Variants in IL1RAPL1 observed in about 807,000 individuals in gnomAD.
IL1RAPL1 encodes interleukin 1 receptor accessory protein like 1, also known as interleukin-1 receptor accessory protein-like 1.
IL1RAPL1 carries 3 observed loss-of-function variants against 48.4 expected under a neutral mutation model. The ratio of observed to expected loss-of-function variants is 0.06; its 90% CI spans 0.03 to 0.16. The LOEUF (loss-of-function observed/expected upper bound fraction) is 0.16. Ranked by LOEUF, IL1RAPL1 falls within the 10% of genes least tolerant of loss-of-function variation. IL1RAPL1 has a pLI of 1.00. For synonymous variants in IL1RAPL1, 185 were observed against 187.7 expected, an observed-to-expected ratio of 0.99 and a Z score of 0.12; for missense variants, 349 against 530.6, an observed-to-expected ratio of 0.66 and a Z score of 3.36.
chrX:29,399,680 G>A (rs777507944), intron 5 of IL1RAPL1, among the ~76,000 whole-genome samples: 20 of 110,639 alleles, frequency 1.8e-4, no homozygotes, highest in African/African-American at 4.6e-4. Flanking sequence ...TTAGCCAGGC[G>A]TGGTGGTGGG....
chrX:28,730,103 G>T (rs1341152646), intron 1 of IL1RAPL1, among the ~76,000 whole-genome samples: 1 of 111,821 alleles, frequency 8.9e-6, no homozygotes, highest in Non-Finnish European at 1.9e-5. Flanking sequence ...CACTTGTAAA[G>T]ATAGTAAAAC....
intron 2 of IL1RAPL1, among the ~76,000 whole-genome samples, chrX:28,838,541 A>G (rs775457448): frequency 1.7e-4 from 19 of 111,077 alleles, no homozygotes; most frequent in Non-Finnish European, 3.6e-4. Flanking sequence ...AGTACACCAT[A>G]TAGTACCAAG....
At chrX:28,761,073 C>T (rs1262619614) in intron 1 of IL1RAPL1, among the ~76,000 whole-genome samples, 1 of 90,827 alleles carries the variant, frequency 1.1e-5, no homozygotes, top group Non-Finnish European at 2.1e-5. Flanking sequence ...GGCAACAGAG[C>T]GAGACTCCTT....
At chrX:28,877,976 G>A (rs1922415218) in intron 2 of IL1RAPL1, among the ~76,000 whole-genome samples, 1 of 111,855 alleles carries the variant, frequency 8.9e-6, no homozygotes, top group Non-Finnish European at 1.9e-5. Context: ...ATGTAAATGA[G>A]CATTTAATAG....
Position 28,710,765 on chromosome X carries a change from A to T in IL1RAPL1, c.-24-78555A>T, listed in dbSNP as rs1022777959. Among the ~76,000 whole-genome samples the T allele has an allele frequency of 2.7e-5, 3 of 112,375 alleles. No individual in the cohort carries two copies. In the East Asian group the frequency reaches 8.3e-4, roughly 31 times the overall value. On this transcript the variant is annotated intron_variant, in intron 1 of 10. Coordinates refer to ENST00000378993, the MANE Select transcript of IL1RAPL1 (RefSeq NM_014271.4). ...ATCATCATTTTAACATGTAATCAAT[A>T]AAAAAGTATTAATGTGATATTTTAT...
chrX:29,835,882 T>C (rs1213045732), intron 6 of IL1RAPL1, among the ~76,000 whole-genome samples: 1 of 99,648 alleles, frequency 1.0e-5, no homozygotes, highest in East Asian at 2.9e-4. Flanking sequence ...GTCTTCTTTT[T>C]TTTTTTTTTT....
chrX:29,654,924 G>T (rs777906095), intron 5 of IL1RAPL1, among the ~76,000 whole-genome samples: 1,254 of 111,671 alleles, frequency 0.011, 9 homozygotes, highest in Middle Eastern at 0.032. Context: ...ATTAAAAATA[G>T]TTTTATATTT....
chrX:29,690,717 A>G lies in IL1RAPL1; in HGVS notation c.778+22213A>G, dbSNP rs1263160448. The stretch of plus-strand genomic sequence containing the variant: ...CTTTCAGGTTTCCAAATACTTTTAA[A>G]ATTTACTTTAATTGTTTTTAAATGT... On this transcript the variant is annotated intron_variant, in intron 6 of 10. Coordinates refer to ENST00000378993, the MANE Select transcript of IL1RAPL1 (RefSeq NM_014271.4). Among the ~76,000 whole-genome samples the G allele has an allele frequency of 6.2e-5, 7 of 112,233 alleles. No individual in the cohort carries two copies. In the East Asian group the frequency reaches 1.9e-3, roughly 31 times the overall value.
At chrX:29,334,230 G>A (rs1932939618) in intron 3 of IL1RAPL1, among the ~76,000 whole-genome samples, 1 of 70,399 alleles carries the variant, frequency 1.4e-5, no homozygotes, top group Admixed American at 1.2e-4. Context: ...CGGACGGGGC[G>A]GCTGGCCGGG....
intron 6 of IL1RAPL1, among the ~76,000 whole-genome samples, chrX:29,704,656 G>A (rs767952038): frequency 9.9e-5 from 11 of 111,048 alleles, no homozygotes; most frequent in African/African-American, 2.9e-4. Flanking sequence ...GTGACAGAGT[G>A]AGACTCCATC....
At chrX:28,800,369 C>T (rs1251510317) in intron 2 of IL1RAPL1, among the ~76,000 whole-genome samples, 2 of 111,858 alleles carry the variant, frequency 1.8e-5, no homozygotes, top group Non-Finnish European at 3.8e-5. Context: ...TTTTGGGGGA[C>T]CACTGTTCAC....
At chrX:28,714,009 A>G (rs1027269710) in intron 1 of IL1RAPL1, among the ~76,000 whole-genome samples, 5 of 112,183 alleles carry the variant, frequency 4.5e-5, no homozygotes, top group African/African-American at 1.3e-4. Context: ...GAGCTTTCTG[A>G]ACAGTATTAT....
chrX:29,202,832 G>C (rs1243027171), intron 2 of IL1RAPL1, among the ~76,000 whole-genome samples: 2 of 111,288 alleles, frequency 1.8e-5, no homozygotes, highest in East Asian at 5.6e-4. Flanking sequence ...AAGAAAGAAG[G>C]GGACAACGGA....
intron 1 of IL1RAPL1, among the ~76,000 whole-genome samples, chrX:28,767,966 T>C (rs1381725039): frequency 9.0e-6 from 1 of 111,642 alleles, no homozygotes; most frequent in African/African-American, 3.3e-5. Context: ...CATGCAAATA[T>C]GTACACATAG....
intron 6 of IL1RAPL1, 94 bp from the exon 7 acceptor site, chrX:29,917,370 C>G: frequency 1.3e-6 from 1 of 764,033 alleles, no homozygotes; most frequent in Non-Finnish European, 1.9e-6. Context: ...TTTATTAAAT[C>G]AATGAAAAGT....
intron 2 of IL1RAPL1, among the ~76,000 whole-genome samples, chrX:28,898,285 A>G (rs1487505450): frequency 8.9e-6 from 1 of 111,959 alleles, no homozygotes; most frequent in African/African-American, 3.3e-5. Flanking sequence ...AACCTCTAAT[A>G]TATCTATTTT....
chrX:28,685,102 A>G (rs1041259972), intron 1 of IL1RAPL1, among the ~76,000 whole-genome samples: 2 of 112,275 alleles, frequency 1.8e-5, no homozygotes, highest in Admixed American at 9.5e-5. Context: ...CAATTAAATT[A>G]TGTACTACTG....
At chrX:29,045,317 C>T (rs1926930793) in intron 2 of IL1RAPL1, among the ~76,000 whole-genome samples, 1 of 112,287 alleles carries the variant, frequency 8.9e-6, no homozygotes. Flanking sequence ...ATTTCACTAT[C>T]GGCTTTCCAA....
chrX:29,038,456 T>G (rs1434653557), intron 2 of IL1RAPL1, among the ~76,000 whole-genome samples: 1 of 111,462 alleles, frequency 9.0e-6, no homozygotes, highest in Non-Finnish European at 1.9e-5. Context: ...GTACATGAAA[T>G]GAGTATGTGT....
Sources: gnomAD v4.1 joint callset for allele counts (sites outside exome capture counted in the v4.1 genomes callset) on GRCh38, gnomAD v4.1.1 for gene constraint, MANE v1.5 for transcripts, NCBI Gene and HGNC (gene_info 2026-07-23, HGNC 2026-07-21) for gene names.